The following CA5A variants were observed in gnomAD, a reference collection of about 807,000 sequenced individuals.
The protein encoded by CA5A is carbonic anhydrase 5A, mitochondrial.
In CA5A, 28 loss-of-function variants were observed where a neutral mutation model predicts 37.1. The observed-to-expected ratio is 0.75, with a 90% CI of 0.56 to 1.03. The LOEUF is 1.03. CA5A is among the 50% of genes least tolerant of loss of function. The pLI is 0.00. For missense variants in CA5A, 444 were observed against 399.9 expected, an observed-to-expected ratio of 1.11 and a Z score of -0.94; for synonymous variants, 171 against 158.4, an observed-to-expected ratio of 1.08 and a Z score of -0.60.
At chr16:87,907,643 G>T (rs2055985559) in intron 2 of CA5A, among the ~76,000 whole-genome samples, 1 of 152,154 alleles carries the variant, frequency 6.6e-6, no homozygotes, top group Non-Finnish European at 1.5e-5. Flanking sequence ...GCTGTTTCTA[G>T]GCTGGGTGTG....
chr16:87,918,493 C>T (rs764904735), intron 2 of CA5A, among the ~76,000 whole-genome samples: 6 of 152,014 alleles, frequency 3.9e-5, no homozygotes, highest in Non-Finnish European at 8.8e-5. Flanking sequence ...GTCCTTGGCC[C>T]ATGCTTGCTC....
At chr16:87,906,439 C>A (rs2055962395) in intron 2 of CA5A, among the ~76,000 whole-genome samples, 1 of 152,010 alleles carries the variant, frequency 6.6e-6, no homozygotes. Flanking sequence ...ACCAGCCTGG[C>A]CAACGTGGTG....
At chr16:87,893,142 C>A in intron 5 of CA5A, 5 of 478,174 alleles carry the variant, frequency 1.0e-5, no homozygotes, top group Non-Finnish European at 1.5e-5. Context: ...TTCTTTCTTT[C>A]TTTCTTTTTT....
In CA5A at chr16:87,936,375, G is replaced by A. The variant is rs1567543050; in HGVS notation, c.76C>T (p.Arg26Cys). The change falls in exon 1 of 7, where the codon CGT becomes TGT. Residue 26 changes from arginine (R) to cysteine (C), a missense_variant. Transcript: ENST00000649794. Reference sequence around the variant, plus strand: ...CACCATCGCCCTGGCCTCATCGAACGACTCCAGAGAGGGGCCCACATCTGC... The same window carrying A: ...CACCATCGCCCTGGCCTCATCGAACAACTCCAGAGAGGGGCCCACATCTGC... ...VEQMWAPLWSRSMRPGRWCSQ... is the reference protein window; with the variant it reads ...VEQMWAPLWSCSMRPGRWCSQ... 1.2e-5 allele frequency: 19 copies of A among 1,613,836 alleles called. No homozygotes were observed. Among genetic ancestry groups the A allele is most frequent in the Non-Finnish European group, 1.6e-5 (19 of 1,179,930 alleles).
intron 6 of CA5A, among the ~76,000 whole-genome samples, chr16:87,891,094 C>G (rs139455931): frequency 7.2e-4 from 108 of 149,264 alleles, no homozygotes; most frequent in African/African-American, 2.6e-3. Flanking sequence ...ACGCCCAGCC[C>G]AAGAGTATAA....
intron 5 of CA5A, among the ~76,000 whole-genome samples, chr16:87,901,319 G>T (rs1291862285): frequency 6.6e-6 from 1 of 152,238 alleles, no homozygotes; most frequent in African/African-American, 2.4e-5. Context: ...GATCTCGCCT[G>T]CATGGCTGAA....
rs964759843 is a variant in CA5A at position 87,911,296 on chromosome 16, G to T, written c.341-6392C>A. ...TATAATTGAACGATTGCCTCAGCGC[G>T]TGCCAGACTCTCCAAACATAATAAC... On this transcript the variant is annotated intron_variant, in intron 2 of 6. Coordinates refer to ENST00000649794, the MANE Select transcript of CA5A (RefSeq NM_001739.2). The surrounding 1 kb of genome is among the most constrained non-coding windows in gnomAD (Gnocchi z 4.6). 1.3e-5 allele frequency among the ~76,000 whole-genome samples: 2 copies of T among 152,024 alleles called. No homozygotes were observed. The highest frequency in any genetic ancestry group is 2.4e-5 in the African/African-American group (1 of 41,386).
chr16:87,897,213 T>A (rs533393793), intron 5 of CA5A, among the ~76,000 whole-genome samples: 88 of 152,346 alleles, frequency 5.8e-4, no homozygotes, highest in African/African-American at 1.9e-3. Context: ...TGTTTCCACC[T>A]CCACAAGGCA....
intron 1 of CA5A, among the ~76,000 whole-genome samples, chr16:87,936,019 A>G (rs1180182057): frequency 1.3e-5 from 2 of 151,918 alleles, no homozygotes; most frequent in African/African-American, 4.8e-5. Context: ...AAAAATACGA[A>G]AAATTAGCCA....
chr16:87,917,871 A>T (rs1251262925), intron 2 of CA5A, among the ~76,000 whole-genome samples: 3 of 152,254 alleles, frequency 2.0e-5, no homozygotes, highest in African/African-American at 7.2e-5. Context: ...TTTAGGAACT[A>T]GACTGCCAGT....
chr16:87,899,346 G>A (rs1234526554), intron 5 of CA5A, among the ~76,000 whole-genome samples: 3 of 126,268 alleles, frequency 2.4e-5, no homozygotes, highest in East Asian at 2.4e-4. Flanking sequence ...TGTGTCACTC[G>A]GCCTGGAGTG....
chr16:87,923,762 TAA>T, intron 2 of CA5A: 2 of 985,126 alleles, frequency 2.0e-6, no homozygotes, highest in Non-Finnish European at 2.4e-6. Flanking sequence ...AATCAGTTAT[TAA>T]AATATCAGTG....
intron 6 of CA5A, 147 bp downstream of exon 6, chr16:87,891,652 A>G (rs2055714963): frequency 4.1e-6 from 3 of 728,334 alleles, no homozygotes. Flanking sequence ...CTTCAGTTGG[A>G]ATTTTCTTCT....
intron 6 of CA5A, among the ~76,000 whole-genome samples, chr16:87,891,551 C>G (rs1163058296): frequency 2.0e-5 from 3 of 152,166 alleles, no homozygotes; most frequent in South Asian, 2.1e-4. Context: ...CCATGGATGC[C>G]TCGTGTGTCT....
rs11314702 is a variant in CA5A, at chr16:87,911,099, C to CA, written c.341-6196dup. On this transcript the variant is annotated intron_variant, in intron 2 of 6. Transcript: ENST00000649794. The surrounding 1 kb of genome is among the most constrained non-coding windows in gnomAD (Gnocchi z 4.6). ...ACAATGTCAGGGTATTCTCCTTAAT[C>CA]AAAAAAAAAAAAAAAAAAAAAGGCA... is the stretch of plus-strand genomic sequence containing the variant. Among the ~76,000 whole-genome samples, 1,651 of 96,416 alleles carry CA rather than the reference C, an allele frequency of 0.017. 16 individuals are homozygous for CA. The highest frequency in any genetic ancestry group is 0.024 in the African/African-American group (708 of 29,714). The allele number at this position is 96,416 out of a possible 152,430, so 63.3% of individuals were successfully genotyped here.
chr16:87,896,667 T>C (rs892269831), intron 5 of CA5A, among the ~76,000 whole-genome samples: 4 of 152,164 alleles, frequency 2.6e-5, no homozygotes, highest in Non-Finnish European at 5.9e-5. Context: ...TGAGACAGAG[T>C]TTCACTCTTG....
chr16:87,926,562 GT>G (rs929886522), intron 2 of CA5A, among the ~76,000 whole-genome samples, 185 bp downstream of exon 2: 91 of 152,346 alleles, frequency 6.0e-4, no homozygotes, highest in African/African-American at 2.1e-3. Flanking sequence ...CCAGGCTCCT[GT>G]CCCCTCGAGA....
At chr16:87,933,566 A>G (rs568343521) in intron 1 of CA5A, among the ~76,000 whole-genome samples, 1 of 147,704 alleles carries the variant, frequency 6.8e-6, no homozygotes, top group East Asian at 2.0e-4. Flanking sequence ...TTTTTTTTTT[A>G]GAGATGGGTT....
intron 5 of CA5A, chr16:87,893,293 A>G (rs2055751982): frequency 1.1e-5 from 4 of 357,304 alleles, no homozygotes; most frequent in African/African-American, 4.3e-5. Context: ...GCGACCAGCT[A>G]ATTTTTTATA....
Sources: gnomAD v4.1 joint callset for allele counts (sites outside exome capture counted in the v4.1 genomes callset) on GRCh38, gnomAD v4.1.1 for gene constraint, Gnocchi (gnomAD v3.1) non-coding constraint, MANE v1.5 for transcripts, NCBI Gene and HGNC (gene_info 2026-07-23, HGNC 2026-07-21) for gene names.